SKAP2: variants seen among roughly 807,000 people sequenced by gnomAD.
SKAP2 encodes the protein src kinase-associated phosphoprotein 2.
A neutral mutation model predicts 54.9 loss-of-function variants in SKAP2; 28 were observed. That is an observed-to-expected ratio of 0.51 (90% CI 0.38 to 0.70). The LOEUF is 0.70. Ranked by LOEUF, SKAP2 falls within the 30% of genes least tolerant of loss-of-function variation. The pLI is 0.00. For missense variants in SKAP2, 356 were observed against 424.1 expected, an observed-to-expected ratio of 0.84 and a Z score of 1.41; for synonymous variants, 137 against 134.3, an observed-to-expected ratio of 1.02 and a Z score of -0.14.
At chr7:26,843,618 T>C (rs1020211983) in intron 4 of SKAP2, among the ~76,000 whole-genome samples, 3 of 151,970 alleles carry the variant, frequency 2.0e-5, no homozygotes, top group African/African-American at 7.2e-5. Flanking sequence ...ATTAACTTAA[T>C]ATTTTATTAA....
chr7:26,655,345 G>A, the SKAP2 span, among the ~76,000 whole-genome samples: 2 of 152,142 alleles, frequency 1.3e-5, no homozygotes, highest in Non-Finnish European at 2.9e-5. Flanking sequence ...TGCCCCACAA[G>A]TGCCATAAAG....
rs543114068 is a variant in SKAP2, at chr7:26,685,311, G to A, written c.875-463C>T. ...AAATAATAATAGTAAAGGAGCTAAT[G>A]TACAAATATAAAACCAAAACTAAGG... On this transcript the variant is annotated intron_variant, in intron 10 of 12. Coordinates refer to ENST00000345317, the MANE Select transcript of SKAP2 (RefSeq NM_003930.5). Among the ~76,000 whole-genome samples, 18 of 151,904 alleles carry A rather than the reference G, an allele frequency of 1.2e-4. No individual in the cohort carries two copies. The East Asian group carries it at 3.5e-3, about 29-fold the overall frequency.
chr7:26,864,370 C>T lies in SKAP2; in HGVS notation c.60G>A (p.Leu20=), dbSNP rs746890587. 3 of 1,613,720 alleles carry T rather than the reference C, an allele frequency of 1.9e-6. No individual in the cohort carries two copies. The highest frequency in any genetic ancestry group is 3.3e-5 in the Admixed American group (2 of 60,008). ...PYPLPEEIRN[L]LADVETFVAD... Reference sequence around the variant, plus strand: ...CGCCTTCCCGCTCTTTACCTGCCAACAGGTTCCTAATTTCCTCAGGGAGGG... The same window carrying T: ...CGCCTTCCCGCTCTTTACCTGCCAATAGGTTCCTAATTTCCTCAGGGAGGG... The change falls in exon 1 of 13, where the codon CTG becomes CTA. Residue 20 remains leucine (L), a synonymous_variant. Coordinates refer to ENST00000345317, the MANE Select transcript of SKAP2 (RefSeq NM_003930.5).
At chr7:26,690,581 C>A (rs212857) in intron 9 of SKAP2, among the ~76,000 whole-genome samples, 124,392 of 152,214 alleles carry the variant, frequency 0.82, 51,462 homozygotes, top group African/African-American at 0.95. Flanking sequence ...CAACTTTCCA[C>A]ATAGCAAACT....
intron 1 of SKAP2, 30 bp from the exon 2 acceptor site, chr7:26,854,920 C>A: frequency 6.9e-7 from 1 of 1,454,324 alleles, no homozygotes; most frequent in Non-Finnish European, 9.4e-7. Context: ...AAACAGGATA[C>A]AAATTATAAG....
chr7:26,682,479 C>T (rs1006433464), intron 11 of SKAP2, among the ~76,000 whole-genome samples: 2 of 152,192 alleles, frequency 1.3e-5, no homozygotes, highest in Admixed American at 6.5e-5. Context: ...ACTAGGTCCA[C>T]AGCTGAGTAA....
At chr7:26,729,750 G>C (rs1157792934) in intron 6 of SKAP2, among the ~76,000 whole-genome samples, 1 of 151,994 alleles carries the variant, frequency 6.6e-6, no homozygotes, top group Non-Finnish European at 1.5e-5. Flanking sequence ...AATATGGAGG[G>C]CTGACAAAAA....
At chr7:26,750,482 T>C (rs1782658199) in intron 4 of SKAP2, among the ~76,000 whole-genome samples, 1 of 151,956 alleles carries the variant, frequency 6.6e-6, no homozygotes, top group Non-Finnish European at 1.5e-5. Flanking sequence ...AACTAATTTT[T>C]GTATCTGTAG....
At chr7:26,825,393 C>T (rs1179775198) in intron 4 of SKAP2, among the ~76,000 whole-genome samples, 1 of 151,928 alleles carries the variant, frequency 6.6e-6, no homozygotes, top group Non-Finnish European at 1.5e-5. Flanking sequence ...AAAAGCATGT[C>T]TATCCAAGAC....
intron 6 of SKAP2, 50 bp downstream of exon 6, chr7:26,738,745 C>T (rs746688792): frequency 9.4e-7 from 1 of 1,060,386 alleles, no homozygotes; most frequent in South Asian, 1.3e-5. Flanking sequence ...GAAGGGATGG[C>T]CAAAAATTCT....
intron 4 of SKAP2, among the ~76,000 whole-genome samples, chr7:26,754,504 A>G (rs1782748842): frequency 6.6e-6 from 1 of 152,046 alleles, no homozygotes; most frequent in Non-Finnish European, 1.5e-5. Flanking sequence ...GGGCTATCTC[A>G]CTGCAGGATC....
intron 4 of SKAP2, among the ~76,000 whole-genome samples, chr7:26,840,237 A>C (rs1784793369): frequency 6.6e-6 from 1 of 152,066 alleles, no homozygotes. Context: ...TAGAGGTTTC[A>C]GATTTTTATC....
intron 9 of SKAP2, among the ~76,000 whole-genome samples, chr7:26,713,606 T>C (rs1026763585): frequency 2.6e-5 from 4 of 151,944 alleles, no homozygotes; most frequent in Non-Finnish European, 5.9e-5. Flanking sequence ...TTTTTGTTTT[T>C]TTTTTTGTTT....
At chr7:26,774,468 A>G (rs1262883105) in intron 4 of SKAP2, among the ~76,000 whole-genome samples, 3 of 151,968 alleles carry the variant, frequency 2.0e-5, no homozygotes, top group Admixed American at 2.0e-4. Flanking sequence ...CTGAAATGCG[A>G]AGTGTCAGTG....
chr7:26,699,184 G>A (rs544562087), intron 9 of SKAP2, among the ~76,000 whole-genome samples: 21 of 152,116 alleles, frequency 1.4e-4, no homozygotes, highest in Non-Finnish European at 2.8e-4. Flanking sequence ...ACTACTTGTC[G>A]CGTCTGGGTA....
intron 4 of SKAP2, among the ~76,000 whole-genome samples, chr7:26,809,188 C>T (rs1426576508): frequency 6.6e-6 from 1 of 152,030 alleles, no homozygotes; most frequent in African/African-American, 2.4e-5. Context: ...CCAAGGTGGG[C>T]AGATCACCTG....
At chr7:26,719,702 T>C (rs1787536423) in intron 9 of SKAP2, among the ~76,000 whole-genome samples, 1 of 152,216 alleles carries the variant, frequency 6.6e-6, no homozygotes, top group Non-Finnish European at 1.5e-5. Context: ...TTCTACAAGA[T>C]GGATAGAATT....
At chr7:26,837,012 A>C (rs147795736) in intron 4 of SKAP2, among the ~76,000 whole-genome samples, 1,839 of 152,366 alleles carry the variant, frequency 0.012, 20 homozygotes, top group Middle Eastern at 0.031. Flanking sequence ...GCCATAAAAA[A>C]GGATGAGTTC....
intron 4 of SKAP2, among the ~76,000 whole-genome samples, chr7:26,761,023 T>TAGTATG (rs1383328619): frequency 6.6e-6 from 1 of 152,036 alleles, no homozygotes; most frequent in Admixed American, 6.6e-5. Flanking sequence ...AGGGAAGAGG[T>TAGTATG]AGTATGGGCA....
Sources: gnomAD v4.1 joint callset for allele counts (sites outside exome capture counted in the v4.1 genomes callset) on GRCh38, gnomAD v4.1.1 for gene constraint, MANE v1.5 for transcripts, NCBI Gene and HGNC (gene_info 2026-07-23, HGNC 2026-07-21) for gene names.